The following AKAP13 variants were observed in gnomAD, a reference collection of about 807,000 sequenced individuals.
AKAP13 encodes the protein A-kinase anchor protein 13.
AKAP13 carries 80 observed loss-of-function variants against 264.5 expected under a neutral mutation model. That is an observed-to-expected ratio of 0.30 (90% CI 0.25 to 0.36). The LOEUF is 0.36. Ranked by LOEUF, AKAP13 falls within the 10% of genes least tolerant of loss-of-function variation. AKAP13 has a pLI of 1.00. For synonymous variants in AKAP13, 1,380 were observed against 1,250.2 expected, an observed-to-expected ratio of 1.10 and a Z score of -2.19; for missense variants, 3,712 against 3,435.2, an observed-to-expected ratio of 1.08 and a Z score of -2.01.
chr15:85,457,464 T>C (rs77747275), intron 1 of AKAP13, among the ~76,000 whole-genome samples: 3,678 of 152,320 alleles, frequency 0.024, 66 homozygotes, highest in Admixed American at 0.047. Flanking sequence ...AGCACTGTAC[T>C]GATTCTGTTC....
chr15:85,446,710 CTTTTTTT>C (rs67306030), intron 1 of AKAP13, among the ~76,000 whole-genome samples: 2 of 124,426 alleles, frequency 1.6e-5, no homozygotes, highest in East Asian at 2.3e-4. Flanking sequence ...TTTTCTTTTT[CTTTTTTT>C]TTTTTTTTTT....
At chr15:85,488,525 A>C (rs972710071) in intron 2 of AKAP13, among the ~76,000 whole-genome samples, 5 of 152,246 alleles carry the variant, frequency 3.3e-5, no homozygotes, top group Admixed American at 6.5e-5. Context: ...TATTTACCTT[A>C]CATGGCAAAA....
chr15:85,446,372 G>A (rs960399631), intron 1 of AKAP13, among the ~76,000 whole-genome samples: 6 of 152,214 alleles, frequency 3.9e-5, no homozygotes, highest in African/African-American at 1.4e-4. Flanking sequence ...TGTAGGCAGT[G>A]AAGGAGAAGG....
intron 10 of AKAP13, among the ~76,000 whole-genome samples, chr15:85,654,902 T>C (rs1271140384): frequency 6.6e-6 from 1 of 151,740 alleles, no homozygotes; most frequent in Admixed American, 6.6e-5. Flanking sequence ...AAAAAGAGGA[T>C]AGACCTAGGC....
intron 1 of AKAP13, among the ~76,000 whole-genome samples, chr15:85,446,804 T>C (rs1451570777): frequency 6.6e-6 from 1 of 151,718 alleles, no homozygotes; most frequent in African/African-American, 2.4e-5. Flanking sequence ...ATGAAGAGGA[T>C]TGAATTTAAA....
At chr15:85,719,388 C>A in intron 23 of AKAP13, 62 bp downstream of exon 23, 1 of 1,581,306 alleles carries the variant, frequency 6.3e-7, no homozygotes. Flanking sequence ...TCATGGGGTT[C>A]CACAGCCATG....
intron 33 of AKAP13, 95 bp downstream of exon 33, chr15:85,736,229 G>C (rs1233289455): frequency 9.6e-7 from 1 of 1,045,250 alleles, no homozygotes; most frequent in African/African-American, 1.6e-5. Context: ...TCTTTTTGCT[G>C]TTACAAAGAG....
intron 4 of AKAP13, chr15:85,536,917 C>CA (rs1198068855): frequency 7.2e-5 from 11 of 151,976 alleles, no homozygotes; most frequent in African/African-American, 2.7e-4. Context: ...AGAATCTATG[C>CA]ATGTGTTAAA....
chr15:85,488,722 G>T (rs182433298), intron 2 of AKAP13, among the ~76,000 whole-genome samples: 2 of 152,162 alleles, frequency 1.3e-5, no homozygotes, highest in Non-Finnish European at 2.9e-5. Flanking sequence ...CATGAGCTAC[G>T]GAATGCAGCT....
intron 10 of AKAP13, among the ~76,000 whole-genome samples, chr15:85,654,917 C>T (rs528056416): frequency 4.6e-5 from 7 of 152,218 alleles, no homozygotes; most frequent in East Asian, 1.9e-4. Flanking sequence ...CTAGGCCAGG[C>T]GCAGTGGCTC....
intron 1 of AKAP13, among the ~76,000 whole-genome samples, chr15:85,446,283 T>G (rs576240098): frequency 1.3e-5 from 2 of 151,832 alleles, no homozygotes; most frequent in Non-Finnish European, 2.9e-5. Context: ...GGTCCAGGAG[T>G]GAGGACAACG....
At chr15:85,526,271 T>C (rs1370756288) in intron 3 of AKAP13, among the ~76,000 whole-genome samples, 1 of 152,218 alleles carries the variant, frequency 6.6e-6, no homozygotes, top group African/African-American at 2.4e-5. Context: ...TTTTTTTGTT[T>C]TGTTTTGAGA....
At chr15:85,524,806 G>A (rs2076962267) in intron 3 of AKAP13, among the ~76,000 whole-genome samples, 1 of 151,584 alleles carries the variant, frequency 6.6e-6, no homozygotes, top group Admixed American at 6.6e-5. Flanking sequence ...TTTGTAATAA[G>A]TCCTACAATG....
intron 17 of AKAP13, among the ~76,000 whole-genome samples, chr15:85,704,972 A>G (rs1302468480): frequency 3.3e-5 from 5 of 152,220 alleles, no homozygotes; most frequent in African/African-American, 7.2e-5. Flanking sequence ...GTGTTTTTCA[A>G]GTAGGTACTT....
chr15:85,539,742 C>T lies in AKAP13; in HGVS notation c.479-4030C>T, dbSNP rs561670088. Among the ~76,000 whole-genome samples, 245 of 152,218 alleles carry T rather than the reference C, an allele frequency of 1.6e-3. 8 individuals are homozygous for T. In the South Asian group the frequency reaches 0.05, roughly 31 times the overall value. ...AGGATGTGAGACATTTTCTGCCTTC[C>T]TTCTCTGTGGGTAGAGGCTAAGCCT... On this transcript the variant is annotated intron_variant, in intron 4 of 36. Coordinates refer to ENST00000394518, the MANE Select transcript of AKAP13 (RefSeq NM_007200.5).
At chr15:85,457,806 C>T (rs779703776) in intron 1 of AKAP13, among the ~76,000 whole-genome samples, 2 of 152,024 alleles carry the variant, frequency 1.3e-5, no homozygotes, top group South Asian at 2.1e-4. Flanking sequence ...ATGTTTGCTC[C>T]GTAGAAGTAG....
chr15:85,610,476 A>G (rs1009662675), intron 8 of AKAP13, among the ~76,000 whole-genome samples: 2 of 152,252 alleles, frequency 1.3e-5, no homozygotes, highest in Non-Finnish European at 2.9e-5. Context: ...ACAAAAGGAT[A>G]GTCGTGATGC....
intron 30 of AKAP13, among the ~76,000 whole-genome samples, chr15:85,734,386 CT>C (rs1396466440): frequency 6.6e-6 from 1 of 152,068 alleles, no homozygotes; most frequent in Admixed American, 6.6e-5. Flanking sequence ...TGTAGTTTTT[CT>C]TTTTTAATAT....
At chr15:85,680,955 C>CT (rs2084562393) in intron 14 of AKAP13, among the ~76,000 whole-genome samples, 1 of 152,118 alleles carries the variant, frequency 6.6e-6, no homozygotes, top group African/African-American at 2.4e-5. Flanking sequence ...GTAGCTGGGA[C>CT]TACAGGCATG....
Sources: allele counts gnomAD v4.1 joint callset (sites outside exome capture counted in the v4.1 genomes callset), GRCh38; gene constraint gnomAD v4.1.1; transcripts MANE v1.5; gene names NCBI Gene and HGNC (gene_info 2026-07-23, HGNC 2026-07-21).